Variants in FAM24B observed in about 807,000 individuals in gnomAD.
FAM24B encodes family with sequence similarity 24 member B, also known as protein FAM24B.
In FAM24B, 3 loss-of-function variants were observed where a neutral mutation model predicts 2.3. The observed-to-expected ratio is 1.29, with a 90% CI of 0.59 to 3.32. The LOEUF is 3.32. Among genes scored for constraint, FAM24B ranks in the 30% most tolerant of loss-of-function variants. The probability of loss-of-function intolerance (pLI) is 0.03; values close to 1 mark genes in which losing one functional copy is unlikely to be tolerated. For synonymous variants in FAM24B, 36 were observed against 46.3 expected (o/e 0.78, Z 0.90); for missense variants, 98 against 117.2 (o/e 0.84, Z 0.76).
rs780663754 is a variant in FAM24B, at chr10:122,849,450, GAC to G, written c.93-13_93-12del. 2.4e-5 allele frequency: 39 copies of G among 1,601,110 alleles called. No individual in the cohort carries two copies. In the East Asian group the frequency reaches 8.5e-4, roughly 35 times the overall value. On this transcript the variant is annotated splice_polypyrimidine_tract_variant and intron_variant, in intron 3 of 3. Coordinates refer to ENST00000368898, the MANE Select transcript of FAM24B (RefSeq NM_152644.3). ...GGTTCCTTTGCAGCTCTTGAGAAAA[GAC>G]ACACACAAAGCACAGGCTTAGAATT...
chr10:122,878,667 A>C (rs1848019686), intron 1 of FAM24B, among the ~76,000 whole-genome samples: 1 of 152,036 alleles, frequency 6.6e-6, no homozygotes, highest in Admixed American at 6.6e-5. Context: ...CCAGTAAAGA[A>C]ACTCCTGGAA....
intron 1 of FAM24B, among the ~76,000 whole-genome samples, chr10:122,878,862 A>G (rs1384488400): frequency 6.6e-6 from 1 of 151,822 alleles, no homozygotes; most frequent in Non-Finnish European, 1.5e-5. Context: ...GTCAAAATCC[A>G]GCTTATAGTA....
intron 1 of FAM24B, among the ~76,000 whole-genome samples, chr10:122,856,889 C>T (rs1847649039): frequency 6.6e-6 from 1 of 152,236 alleles, no homozygotes; most frequent in Non-Finnish European, 1.5e-5. Flanking sequence ...CACTTCCCAC[C>T]TTTAAACACC....
intron 1 of FAM24B, among the ~76,000 whole-genome samples, chr10:122,874,158 A>G (rs1468904977): frequency 6.6e-6 from 1 of 152,218 alleles, no homozygotes; most frequent in Non-Finnish European, 1.5e-5. Context: ...CAGTTCAACT[A>G]TATTCTTACT....
intron 1 of FAM24B, among the ~76,000 whole-genome samples, chr10:122,856,480 C>T (rs973821378): frequency 3.7e-4 from 56 of 152,204 alleles, no homozygotes; most frequent in African/African-American, 1.3e-3. Context: ...TGCGGGGAGT[C>T]AGCGGTGCCT....
chr10:122,870,800 C>G (rs925656849), intron 1 of FAM24B, among the ~76,000 whole-genome samples: 1 of 152,152 alleles, frequency 6.6e-6, no homozygotes, highest in African/African-American at 2.4e-5. Flanking sequence ...ATAATAAGAG[C>G]TATCTATGAC....
At position 122,855,645 on chromosome 10, in the gene FAM24B, C is replaced by G. The variant is rs912320019; in HGVS notation, c.-36G>C. On this transcript the variant is annotated splice_region_variant and 5_prime_UTR_variant, in exon 2 of 4. Transcript: ENST00000368898. The stretch of plus-strand genomic sequence containing the variant: ...GAAGTAACAGTTCATCTTATTTTAC[C>G]TGCATAAATAATGGCTCCTCTGCTC... The G allele has an allele frequency of 6.6e-6, 1 of 152,126 alleles. No homozygotes were observed. Among genetic ancestry groups the G allele is most frequent in the African/African-American group, 2.4e-5 (1 of 41,412 alleles). The allele number at this position is 152,126 out of a possible 1,614,324, so 9.4% of individuals were successfully genotyped here. A position where few individuals can be genotyped will look rare whatever the true frequency, so the allele number is the denominator to read the frequency against.
chr10:122,856,301 C>T (rs116805276), intron 1 of FAM24B, among the ~76,000 whole-genome samples: 100 of 152,346 alleles, frequency 6.6e-4, no homozygotes, highest in African/African-American at 2.3e-3. Context: ...TCTCACCCAA[C>T]TTGTGGTGGC....
chr10:122,850,651 A>T, intron 2 of FAM24B, 101 bp from the exon 3 acceptor site: 1 of 692,902 alleles, frequency 1.4e-6, no homozygotes, highest in Non-Finnish European at 2.6e-6. Context: ...GAAACCCCAA[A>T]CACAGATCCT....
At chr10:122,878,344 C>T (rs1848013048) in intron 1 of FAM24B, among the ~76,000 whole-genome samples, 1 of 152,062 alleles carries the variant, frequency 6.6e-6, no homozygotes, top group Non-Finnish European at 1.5e-5. Context: ...ACCAGCCTGG[C>T]CAACATGGCA....
intron 1 of FAM24B, among the ~76,000 whole-genome samples, chr10:122,858,077 C>T (rs1374693205): frequency 6.6e-6 from 1 of 152,200 alleles, no homozygotes; most frequent in Non-Finnish European, 1.5e-5. Context: ...GATTATAAAT[C>T]ATGCTGCTAT....
In FAM24B at chr10:122,878,603, G is replaced by C. The variant is rs113592935; in HGVS notation, c.-178+882C>G. On this transcript the variant is annotated intron_variant, in intron 1 of 3. Transcript: ENST00000368898. ...TCAAGCATCAGGACAATTGATAAAA[G>C]ATTAGAGGGCAGTGCAGAAAATGAA... is the stretch of plus-strand genomic sequence containing the variant. 4.3e-4 allele frequency among the ~76,000 whole-genome samples: 66 copies of C among 152,096 alleles called. 1 individual carries two copies. Among genetic ancestry groups the C allele is most frequent in the African/African-American group, 1.4e-3 (59 of 41,468 alleles).
At chr10:122,864,712 T>C (rs1015390097) in intron 1 of FAM24B, among the ~76,000 whole-genome samples, 9 of 152,214 alleles carry the variant, frequency 5.9e-5, no homozygotes, top group African/African-American at 2.2e-4. Flanking sequence ...GCTTCACTTA[T>C]TCAACATTAC....
At chr10:122,878,605 T>C (rs1848018798) in intron 1 of FAM24B, among the ~76,000 whole-genome samples, 1 of 151,562 alleles carries the variant, frequency 6.6e-6, no homozygotes. Flanking sequence ...TGATAAAAGA[T>C]TAGAGGGCAG....
intron 1 of FAM24B, among the ~76,000 whole-genome samples, chr10:122,863,563 T>G (rs920104130): frequency 1.3e-5 from 2 of 152,240 alleles, no homozygotes; most frequent in East Asian, 3.8e-4. Flanking sequence ...ATTGAGTAGA[T>G]AGGACAGAAT....
chr10:122,853,475 C>A (rs1847577491), intron 2 of FAM24B, among the ~76,000 whole-genome samples: 1 of 152,164 alleles, frequency 6.6e-6, no homozygotes, highest in Non-Finnish European at 1.5e-5. Context: ...ACCAATCCTG[C>A]AAGACTTCAA....
chr10:122,861,962 T>C (rs1847731121), intron 1 of FAM24B, among the ~76,000 whole-genome samples: 1 of 152,200 alleles, frequency 6.6e-6, no homozygotes, highest in African/African-American at 2.4e-5. Flanking sequence ...ACCATTTACC[T>C]GCCTCTCTTT....
At chr10:122,875,786 G>A (rs1007005288) in intron 1 of FAM24B, among the ~76,000 whole-genome samples, 1 of 152,064 alleles carries the variant, frequency 6.6e-6, no homozygotes, top group Non-Finnish European at 1.5e-5. Flanking sequence ...TCAACGGCTT[G>A]CCGATAAGAT....
At chr10:122,877,318 G>A (rs1362210444) in intron 1 of FAM24B, among the ~76,000 whole-genome samples, 1 of 152,128 alleles carries the variant, frequency 6.6e-6, no homozygotes, top group Non-Finnish European at 1.5e-5. Flanking sequence ...AAGCTTATAG[G>A]TTAGGGATTT....
Sources: gnomAD v4.1 joint callset for allele counts (sites outside exome capture counted in the v4.1 genomes callset) on GRCh38, gnomAD v4.1.1 for gene constraint, MANE v1.5 for transcripts, NCBI Gene and HGNC (gene_info 2026-07-23, HGNC 2026-07-21) for gene names.